The following MACROD2 variants were observed in gnomAD, a reference collection of about 807,000 sequenced individuals.
MACROD2 encodes the protein ADP-ribose glycohydrolase MACROD2.
In MACROD2, 36 loss-of-function variants were observed where a neutral mutation model predicts 70.4. The observed-to-expected ratio is 0.51, with a 90% CI of 0.39 to 0.68. The LOEUF (loss-of-function observed/expected upper bound fraction) is 0.68. Among genes scored for constraint, MACROD2 ranks in the 30% least tolerant of loss-of-function variants. The pLI is 0.00. For synonymous variants in MACROD2, 172 were observed against 178.8 expected (o/e 0.96, Z 0.30); for missense variants, 496 against 538.4 (o/e 0.92, Z 0.78).
At chr20:14,012,268 A>T (rs958780278) in intron 2 of MACROD2, among the ~76,000 whole-genome samples, 7 of 152,166 alleles carry the variant, frequency 4.6e-5, no homozygotes, top group African/African-American at 1.7e-4. Context: ...TGCTGGCATT[A>T]AATTCTTCAG....
intron 15 of MACROD2, among the ~76,000 whole-genome samples, chr20:15,990,971 C>T (rs778855910): frequency 1.3e-5 from 2 of 152,150 alleles, no homozygotes; most frequent in Admixed American, 6.5e-5. Flanking sequence ...AATGGTCAGC[C>T]ATGCTGAAAG....
chr20:15,479,429 C>G (rs958834641), intron 7 of MACROD2, among the ~76,000 whole-genome samples: 3 of 151,354 alleles, frequency 2.0e-5, no homozygotes, highest in African/African-American at 7.3e-5. Flanking sequence ...CCCGCCACTA[C>G]GCCCGGCTAA....
At chr20:14,435,057 G>A (rs2084040969) in intron 3 of MACROD2, among the ~76,000 whole-genome samples, 1 of 152,122 alleles carries the variant, frequency 6.6e-6, no homozygotes. Context: ...TAATACTGCA[G>A]AACTTGATTC....
At chr20:14,933,601 A>C (rs1189376421) in intron 5 of MACROD2, among the ~76,000 whole-genome samples, 2 of 151,664 alleles carry the variant, frequency 1.3e-5, no homozygotes, top group Non-Finnish European at 2.9e-5. Flanking sequence ...CTGCACTCCC[A>C]CCTGGGTGAC....
chr20:15,926,707 G>A (rs1322425782), intron 10 of MACROD2, among the ~76,000 whole-genome samples: 2 of 152,200 alleles, frequency 1.3e-5, no homozygotes, highest in East Asian at 3.9e-4. Context: ...GTCAGGCAAT[G>A]CAAAGGCCTG....
chr20:15,407,199 C>T (rs1391289609), intron 6 of MACROD2, among the ~76,000 whole-genome samples: 1 of 152,188 alleles, frequency 6.6e-6, no homozygotes, highest in Admixed American at 6.5e-5. Flanking sequence ...TAGAGGTGTT[C>T]TCTTGCTGGG....
At position 14,143,801 on chromosome 20, in the gene MACROD2, C is replaced by T. The variant is rs573624805; in HGVS notation, c.271+58073C>T. Among the ~76,000 whole-genome samples, 18 of 152,090 alleles carry T rather than the reference C, an allele frequency of 1.2e-4. No homozygotes were observed. In the East Asian group the frequency reaches 3.3e-3, roughly 28 times the overall value. ...AATTGTAATTTTGCTGGAAAAGTTACCAAATGAAACATTTCTGAAGAAATT... is the reference window on the plus strand; with the variant it reads ...AATTGTAATTTTGCTGGAAAAGTTATCAAATGAAACATTTCTGAAGAAATT... On this transcript the variant is annotated intron_variant, in intron 3 of 17. Transcript: ENST00000684519.
chr20:15,471,603 A>C (rs1432712765), intron 7 of MACROD2, among the ~76,000 whole-genome samples: 1 of 152,204 alleles, frequency 6.6e-6, no homozygotes, highest in Non-Finnish European at 1.5e-5. Flanking sequence ...CCTTCTGCCA[A>C]GTTTACTCTG....
intron 8 of MACROD2, among the ~76,000 whole-genome samples, chr20:15,737,867 G>T (rs1424064143): frequency 2.0e-5 from 3 of 151,894 alleles, no homozygotes; most frequent in Admixed American, 1.3e-4. Flanking sequence ...TCAATGGATG[G>T]ATGGATGGAT....
At chr20:14,238,435 A>G (rs1392976092) in intron 3 of MACROD2, among the ~76,000 whole-genome samples, 1 of 152,122 alleles carries the variant, frequency 6.6e-6, no homozygotes, top group Non-Finnish European at 1.5e-5. Flanking sequence ...TGTATGAAAA[A>G]CCCACAAACA....
chr20:14,510,789 AAAG>A (rs2085021175), intron 4 of MACROD2, among the ~76,000 whole-genome samples: 1 of 152,120 alleles, frequency 6.6e-6, no homozygotes, highest in African/African-American at 2.4e-5. Context: ...GTTTTTTCAC[AAAG>A]AAGAATTTAT....
Position 14,101,709 on chromosome 20 carries a change from A to G in MACROD2, c.271+15981A>G, listed in dbSNP as rs35388497. 2.7e-3 allele frequency among the ~76,000 whole-genome samples: 408 copies of G among 151,942 alleles called. 1 individual carries two copies. The highest frequency in any genetic ancestry group is 5.0e-3 in the Non-Finnish European group (337 of 67,964). ...CCTGTATCTCTGCTTTTAAGGGTCT[A>G]TTCCCTGGAGTTAAATATTATAGTA... On this transcript the variant is annotated intron_variant, in intron 3 of 17. Transcript: ENST00000684519.
intron 12 of MACROD2, among the ~76,000 whole-genome samples, chr20:15,940,989 G>A (rs550025476): frequency 1.3e-5 from 2 of 152,116 alleles, no homozygotes; most frequent in Admixed American, 1.3e-4. Context: ...TTTCAGGCTG[G>A]GATTTTTCCT....
chr20:14,368,999 A>G (rs2083298320), intron 3 of MACROD2, among the ~76,000 whole-genome samples: 2 of 152,210 alleles, frequency 1.3e-5, no homozygotes, highest in African/African-American at 4.8e-5. Flanking sequence ...ATAAGTTTTT[A>G]TTAGCGAGCA....
chr20:15,905,605 A>AT (rs1195407587), intron 10 of MACROD2, among the ~76,000 whole-genome samples: 3 of 152,220 alleles, frequency 2.0e-5, no homozygotes, highest in Non-Finnish European at 2.9e-5. Context: ...AGGACTTATA[A>AT]TATTAGGTAC....
chr20:14,316,146 G>T (rs923774297), intron 3 of MACROD2, among the ~76,000 whole-genome samples: 1 of 152,146 alleles, frequency 6.6e-6, no homozygotes, highest in Non-Finnish European at 1.5e-5. Context: ...AGCAGATCTT[G>T]TAGGGAACCC....
At chr20:14,241,447 A>G (rs1045874769) in intron 3 of MACROD2, among the ~76,000 whole-genome samples, 10 of 152,168 alleles carry the variant, frequency 6.6e-5, no homozygotes, top group African/African-American at 2.4e-4. Flanking sequence ...TGGGAATTCA[A>G]TGGACCGTAA....
chr20:15,689,689 G>A (rs1391527889), intron 8 of MACROD2, among the ~76,000 whole-genome samples: 1 of 152,206 alleles, frequency 6.6e-6, no homozygotes, highest in Non-Finnish European at 1.5e-5. Flanking sequence ...TGGTCTGGAA[G>A]GACATTGGAG....
At chr20:14,075,977 T>C (rs2053911311) in intron 2 of MACROD2, among the ~76,000 whole-genome samples, 1 of 152,164 alleles carries the variant, frequency 6.6e-6, no homozygotes, top group Non-Finnish European at 1.5e-5. Context: ...AAAAATCTTC[T>C]CTATAAATAT....
Sources: allele counts gnomAD v4.1 joint callset (sites outside exome capture counted in the v4.1 genomes callset), GRCh38; gene constraint gnomAD v4.1.1; transcripts MANE v1.5; gene names NCBI Gene and HGNC (gene_info 2026-07-23, HGNC 2026-07-21).